Variants in UNC13C observed in about 807,000 individuals in gnomAD.
The protein encoded by UNC13C is unc-13 homolog C, also known as protein unc-13 homolog C.
Under a neutral mutation model 245.4 loss-of-function variants are expected in UNC13C, and 174 were observed. The observed-to-expected ratio is 0.71, with a 90% CI of 0.63 to 0.80. UNC13C has a LOEUF of 0.80. UNC13C is among the 30% of genes least tolerant of loss of function. UNC13C has a pLI of 0.00. For missense variants in UNC13C, 2,829 were observed against 2,602.9 expected, an observed-to-expected ratio of 1.09 and a Z score of -1.89; for synonymous variants, 992 against 895.1, an observed-to-expected ratio of 1.11 and a Z score of -1.93.
In UNC13C at chr15:54,458,776, G is replaced by A. The variant is rs151055948; in HGVS notation, c.4934-35832G>A. Among the ~76,000 whole-genome samples, 379 of 130,050 alleles carry A rather than the reference G, an allele frequency of 2.9e-3. 1 individual carries two copies. The highest frequency in any genetic ancestry group is 4.3e-3 in the Non-Finnish European group (273 of 63,818). 85.3% of individuals were successfully genotyped at this position (130,050 alleles called of 152,430 possible). ...TATCTTTTCCATCCCTTTACCTTAAGTTTATGTGTATCCTTCTCTGTTAGG... is the reference window on the plus strand; with the variant it reads ...TATCTTTTCCATCCCTTTACCTTAAATTTATGTGTATCCTTCTCTGTTAGG... On this transcript the variant is annotated intron_variant, in intron 19 of 32. Coordinates refer to ENST00000260323, the MANE Select transcript of UNC13C (RefSeq NM_001080534.3).
rs1052853567 is a variant in UNC13C at position 54,522,852 on chromosome 15, A to G, written c.5458-2697A>G. Among the ~76,000 whole-genome samples the G allele has an allele frequency of 2.0e-5, 3 of 152,164 alleles. No individual in the cohort carries two copies. The South Asian group carries it at 6.2e-4, about 31-fold the overall frequency. Reference sequence around the variant, plus strand: ...TCATACACATGCTAATTGAGTTTCTACTTTAGAATACACTGTGACTTATGA... The same window carrying G: ...TCATACACATGCTAATTGAGTTTCTGCTTTAGAATACACTGTGACTTATGA... On this transcript the variant is annotated intron_variant, in intron 24 of 32. Coordinates refer to ENST00000260323, the MANE Select transcript of UNC13C (RefSeq NM_001080534.3).
chr15:54,356,180 C>G (rs2039090839), intron 17 of UNC13C, among the ~76,000 whole-genome samples: 1 of 152,008 alleles, frequency 6.6e-6, no homozygotes, highest in South Asian at 2.1e-4. Flanking sequence ...ACAAATGATG[C>G]TAGAAAGACA....
chr15:54,593,636 G>C (rs2141259133), intron 30 of UNC13C, among the ~76,000 whole-genome samples: 1 of 151,964 alleles, frequency 6.6e-6, no homozygotes, highest in East Asian at 1.9e-4. Context: ...AGACTTTTCA[G>C]GGCATTTCAT....
At chr15:53,979,754 T>C (rs944248304) in intron 1 of UNC13C, among the ~76,000 whole-genome samples, 1 of 152,160 alleles carries the variant, frequency 6.6e-6, no homozygotes, top group Non-Finnish European at 1.5e-5. Context: ...GTAATGCTTA[T>C]AAAGATTAGT....
intron 1 of UNC13C, among the ~76,000 whole-genome samples, chr15:53,986,782 A>G (rs1894162194): frequency 1.3e-5 from 2 of 152,134 alleles, no homozygotes; most frequent in Middle Eastern, 3.4e-3. Flanking sequence ...TTACTGTACT[A>G]CTTAACATCA....
chr15:54,108,170 G>C (rs1900545718), intron 2 of UNC13C, among the ~76,000 whole-genome samples: 1 of 146,764 alleles, frequency 6.8e-6, no homozygotes, highest in Non-Finnish European at 1.5e-5. Context: ...TATTTCAATG[G>C]AAATGTAGTT....
At chr15:54,626,353 G>T (rs1360381569) in intron 32 of UNC13C, among the ~76,000 whole-genome samples, 1 of 152,120 alleles carries the variant, frequency 6.6e-6, no homozygotes, top group Non-Finnish European at 1.5e-5. Flanking sequence ...GTGCTTGATG[G>T]GCTGTGCAGT....
At chr15:54,130,026 A>G (rs1395634283) in intron 2 of UNC13C, among the ~76,000 whole-genome samples, 1 of 151,452 alleles carries the variant, frequency 6.6e-6, no homozygotes, top group Non-Finnish European at 1.5e-5. Context: ...CATTAAATTT[A>G]TCTCACAAAT....
At position 54,086,578 on chromosome 15, in the gene UNC13C, T is replaced by C. The variant is rs142354935; in HGVS notation, c.2984-56440T>C. Among the ~76,000 whole-genome samples the C allele has an allele frequency of 2.9e-3, 435 of 152,172 alleles. 4 individuals are homozygous for C. Among genetic ancestry groups the C allele is most frequent in the African/African-American group, 0.01 (422 of 41,512 alleles). On this transcript the variant is annotated intron_variant, in intron 2 of 32. Transcript: ENST00000260323. ...TCCCTTCTCATTTGTGTTTGTTTTG[T>C]AATCTTAAGATGAAAGTTCAAAAGA...
chr15:53,849,924 A>G, the UNC13C span, among the ~76,000 whole-genome samples: 372 of 152,332 alleles, frequency 2.4e-3, 2 homozygotes, highest in African/African-American at 8.6e-3. Context: ...TAAAAAAATT[A>G]AACAATGAAT....
chr15:54,198,741 A>G (rs1026981679), intron 4 of UNC13C, among the ~76,000 whole-genome samples: 4 of 152,242 alleles, frequency 2.6e-5, no homozygotes, highest in Middle Eastern at 3.4e-3. Context: ...TCCCTCTGAC[A>G]TAGTCCACCC....
At chr15:54,392,528 A>T (rs893310179) in intron 17 of UNC13C, among the ~76,000 whole-genome samples, 1 of 152,068 alleles carries the variant, frequency 6.6e-6, no homozygotes, top group African/African-American at 2.4e-5. Context: ...GGGATTTAAC[A>T]GTACTGAGTT....
chr15:53,993,478 G>A lies in UNC13C; in HGVS notation c.-257+14551G>A, dbSNP rs559708979. On this transcript the variant is annotated intron_variant, in intron 1 of 32. Transcript: ENST00000260323. The stretch of plus-strand genomic sequence containing the variant: ...GGGATGAGTGACTTAGTCCTGAAGG[G>A]GGTATCTGTGTGGCACGTTATGGCT... 2.6e-4 allele frequency among the ~76,000 whole-genome samples: 39 copies of A among 152,180 alleles called. 1 individual carries two copies. In the South Asian group the frequency reaches 5.8e-3, roughly 23 times the overall value.
At chr15:53,883,558 G>A in the UNC13C span, among the ~76,000 whole-genome samples, 7 of 152,268 alleles carry the variant, frequency 4.6e-5, no homozygotes, top group East Asian at 1.4e-3. Flanking sequence ...AGAGCTATTG[G>A]TAAAGCAATC....
intron 7 of UNC13C, among the ~76,000 whole-genome samples, chr15:54,238,076 G>GTTTTTTTTTTT (rs10645906): frequency 8.6e-6 from 1 of 115,838 alleles, no homozygotes; most frequent in African/African-American, 3.6e-5. Flanking sequence ...ACTTTTATAG[G>GTTTTTTTTTTT]TTTTTTTTTT....
chr15:54,053,095 G>T (rs1897341797), intron 2 of UNC13C, among the ~76,000 whole-genome samples: 1 of 152,192 alleles, frequency 6.6e-6, no homozygotes, highest in Non-Finnish European at 1.5e-5. Context: ...TGCCATCCAT[G>T]TTCAAATAAT....
the UNC13C span, among the ~76,000 whole-genome samples, chr15:53,865,984 G>T: frequency 6.6e-6 from 1 of 151,774 alleles, no homozygotes; most frequent in Non-Finnish European, 1.5e-5. Flanking sequence ...ACTAAAAGAT[G>T]GCAAAAACAA....
Position 54,483,506 on chromosome 15 carries a change from C to CT in UNC13C, c.4934-11094dup, listed in dbSNP as rs917936856. On this transcript the variant is annotated intron_variant, in intron 19 of 32. Coordinates refer to ENST00000260323, the MANE Select transcript of UNC13C (RefSeq NM_001080534.3). ...ACGCTGTTTTCTTTTCTTTTCTTTT[C>CT]TTTTTTTTGAGATGGAGTCTCACTT... Among the ~76,000 whole-genome samples the CT allele has an allele frequency of 3.0e-4, 45 of 151,650 alleles. 1 individual carries two copies. The highest frequency in any genetic ancestry group is 9.7e-4 in the East Asian group (5 of 5,150).
intron 4 of UNC13C, among the ~76,000 whole-genome samples, chr15:54,207,539 T>A (rs2034754290): frequency 6.6e-6 from 1 of 151,996 alleles, no homozygotes; most frequent in South Asian, 2.1e-4. Flanking sequence ...CCTACTGGCA[T>A]TTTACAATTA....
Sources: allele counts gnomAD v4.1 joint callset (sites outside exome capture counted in the v4.1 genomes callset), GRCh38; gene constraint gnomAD v4.1.1; transcripts MANE v1.5; gene names NCBI Gene and HGNC (gene_info 2026-07-23, HGNC 2026-07-21).